Variants in PDHX observed in about 807,000 individuals in gnomAD.
The protein encoded by PDHX is pyruvate dehydrogenase protein X component, mitochondrial.
Under a neutral mutation model 55.3 loss-of-function variants are expected in PDHX, and 33 were observed. The ratio of observed to expected loss-of-function variants is 0.60; its 90% confidence interval spans 0.45 to 0.80. The LOEUF is 0.80. Among genes scored for constraint, PDHX ranks in the 30% least tolerant of loss-of-function variants. PDHX has a pLI of 0.00. For synonymous variants in PDHX, 226 were observed against 219.4 expected, an observed-to-expected ratio of 1.03 and a Z score of -0.27; for missense variants, 622 against 619.9, an observed-to-expected ratio of 1.00 and a Z score of -0.04.
At chr11:34,972,785 A>G (rs961159024) in intron 7 of PDHX, among the ~76,000 whole-genome samples, 1 of 152,148 alleles carries the variant, frequency 6.6e-6, no homozygotes, top group African/African-American at 2.4e-5. Flanking sequence ...GTAAGTGTGC[A>G]CTTAATTTCA....
rs779106762 is a variant in PDHX, at chr11:34,978,094, C to G, written c.965-30C>G. ...CAATGTTAAAGTTATATTAGGAATA[C>G]TAATTTTACTAACCTTATTTTTCTT... On this transcript the variant is annotated intron_variant, in intron 7 of 10. Transcript: ENST00000227868. 6.8e-6 allele frequency: 8 copies of G among 1,175,046 alleles called. No homozygotes were observed. In the South Asian group the frequency reaches 7.4e-5, roughly 11 times the overall value. The allele number at this position is 1,175,046 out of a possible 1,614,324, so 72.8% of individuals were successfully genotyped here.
At chr11:34,958,303 G>T (rs6484749) in intron 4 of PDHX, among the ~76,000 whole-genome samples, 2 of 151,758 alleles carry the variant, frequency 1.3e-5, no homozygotes, top group Non-Finnish European at 1.5e-5. Context: ...TTTAGGGGGG[G>T]GCGTGCGGAG....
chr11:34,938,521 T>C (rs1185029633), intron 2 of PDHX, among the ~76,000 whole-genome samples: 1 of 152,260 alleles, frequency 6.6e-6, no homozygotes, highest in East Asian at 1.9e-4. Flanking sequence ...TTTTCTCTGA[T>C]GAATTACAGA....
At chr11:34,993,350 A>G (rs2767047) in intron 10 of PDHX, among the ~76,000 whole-genome samples, 98,337 of 151,696 alleles carry the variant, frequency 0.65, 32,266 homozygotes, top group East Asian at 0.75. Flanking sequence ...GGTACTGTTC[A>G]TTTTCTGTTA....
At chr11:34,981,988 A>G (rs1055275032) in intron 8 of PDHX, among the ~76,000 whole-genome samples, 1 of 152,188 alleles carries the variant, frequency 6.6e-6, no homozygotes, top group Non-Finnish European at 1.5e-5. Context: ...TTTGCTGTGC[A>G]GAAGCTCTTT....
intron 8 of PDHX, among the ~76,000 whole-genome samples, chr11:34,983,674 A>G (rs1855573892): frequency 6.6e-6 from 1 of 152,094 alleles, no homozygotes; most frequent in South Asian, 2.1e-4. Flanking sequence ...CCCATTCACA[A>G]TTGCTTCAAA....
chr11:34,932,854 T>C (rs1384578840), intron 2 of PDHX, among the ~76,000 whole-genome samples: 1 of 152,206 alleles, frequency 6.6e-6, no homozygotes, highest in Non-Finnish European at 1.5e-5. Flanking sequence ...TGTTGGTTAG[T>C]ACAGGATTTG....
intron 3 of PDHX, 135 bp downstream of exon 3, chr11:34,947,741 C>A: frequency 3.0e-6 from 2 of 671,778 alleles, no homozygotes; most frequent in African/African-American, 1.8e-5. Flanking sequence ...ATTTTTAGTT[C>A]AAGTGTTTAA....
chr11:34,976,973 A>G (rs1465094858), intron 7 of PDHX, among the ~76,000 whole-genome samples: 1 of 152,200 alleles, frequency 6.6e-6, no homozygotes, highest in Non-Finnish European at 1.5e-5. Flanking sequence ...GGTTATCATT[A>G]AAAGCTTGTA....
intron 1 of PDHX, among the ~76,000 whole-genome samples, chr11:34,917,596 C>T (rs1420620871): frequency 6.6e-6 from 1 of 151,950 alleles, no homozygotes; most frequent in African/African-American, 2.4e-5. Context: ...GTATTACCTG[C>T]CAATCATCGT....
intron 1 of PDHX, among the ~76,000 whole-genome samples, chr11:34,924,748 A>G (rs1200231596): frequency 1.3e-5 from 2 of 152,144 alleles, no homozygotes; most frequent in Non-Finnish European, 2.9e-5. Context: ...GTACATGCAT[A>G]TAGTTTAAAT....
chr11:34,968,730 T>C (rs903609626), intron 6 of PDHX, among the ~76,000 whole-genome samples: 1 of 152,178 alleles, frequency 6.6e-6, no homozygotes, highest in Non-Finnish European at 1.5e-5. Context: ...GATCCATGAG[T>C]TGTTTATAAG....
At chr11:34,957,710 C>A in intron 4 of PDHX, 127 bp downstream of exon 4, 1 of 734,168 alleles carries the variant, frequency 1.4e-6, no homozygotes, top group Non-Finnish European at 2.3e-6. Context: ...TCTCAGCACA[C>A]TCAGACCTTA....
chr11:34,948,844 T>G (rs934796907), intron 3 of PDHX, among the ~76,000 whole-genome samples: 1 of 152,238 alleles, frequency 6.6e-6, no homozygotes, highest in Non-Finnish European at 1.5e-5. Flanking sequence ...TACCATGTAA[T>G]AAACCCAGCT....
chr11:34,985,805 A>G (rs1855628624), intron 9 of PDHX, among the ~76,000 whole-genome samples: 1 of 152,226 alleles, frequency 6.6e-6, no homozygotes, highest in Non-Finnish European at 1.5e-5. Context: ...GACAGTACAT[A>G]AATGTGTAGA....
At chr11:34,994,076 G>T (rs1177200383) in intron 10 of PDHX, among the ~76,000 whole-genome samples, 2 of 152,058 alleles carry the variant, frequency 1.3e-5, no homozygotes, top group East Asian at 3.8e-4. Flanking sequence ...TTATGATGGG[G>T]ATATGAGAAA....
intron 2 of PDHX, among the ~76,000 whole-genome samples, chr11:34,934,313 G>C (rs1217328483): frequency 6.6e-6 from 1 of 152,088 alleles, no homozygotes; most frequent in Non-Finnish European, 1.5e-5. Flanking sequence ...GAAATACAGG[G>C]GAAAATATAA....
At chr11:34,982,100 G>A (rs1199379008) in intron 8 of PDHX, among the ~76,000 whole-genome samples, 1 of 152,180 alleles carries the variant, frequency 6.6e-6, no homozygotes, top group African/African-American at 2.4e-5. Flanking sequence ...GAATGGTATT[G>A]CCTAGGTTTT....
intron 8 of PDHX, 147 bp from the exon 9 acceptor site, chr11:34,984,422 TC>T: frequency 1.5e-6 from 1 of 655,270 alleles, no homozygotes; most frequent in Admixed American, 2.6e-5. Context: ...GACACAGAAC[TC>T]CATACCATTT....
Sources: gnomAD v4.1 joint callset for allele counts (sites outside exome capture counted in the v4.1 genomes callset) on GRCh38, gnomAD v4.1.1 for gene constraint, MANE v1.5 for transcripts, NCBI Gene and HGNC (gene_info 2026-07-23, HGNC 2026-07-21) for gene names.